The following RPTOR variants were observed in gnomAD, a reference collection of about 807,000 sequenced individuals.
RPTOR encodes the protein regulatory-associated protein of mTOR.
Under a neutral mutation model 169.9 loss-of-function variants are expected in RPTOR, and 21 were observed. That is an observed-to-expected ratio of 0.12 (90% CI 0.09 to 0.18). The LOEUF (loss-of-function observed/expected upper bound fraction) is 0.18. Among genes scored for constraint, RPTOR ranks in the 10% least tolerant of loss-of-function variants. The pLI, the probability that RPTOR is intolerant of heterozygous loss-of-function variation, is 1.00. For missense variants in RPTOR, 1,133 were observed against 1,855.9 expected, an observed-to-expected ratio of 0.61 and a Z score of 7.16; for synonymous variants, 732 against 753.2, an observed-to-expected ratio of 0.97 and a Z score of 0.46.
At chr17:80,814,680 A>C (rs117597434) in intron 7 of RPTOR, among the ~76,000 whole-genome samples, 1 of 152,144 alleles carries the variant, frequency 6.6e-6, no homozygotes, top group African/African-American at 2.4e-5. Flanking sequence ...CATGCCATCA[A>C]ATATGTACAC....
rs2068142315 is a variant in RPTOR at position 80,878,055 on chromosome 17, A to G, written c.1510-2360A>G. 6.6e-6 allele frequency among the ~76,000 whole-genome samples: 1 copy of G among 152,202 alleles called. No homozygotes were observed. The highest frequency in any genetic ancestry group is 1.9e-4 in the East Asian group (1 of 5,186). On this transcript the variant is annotated intron_variant, in intron 13 of 33. Coordinates refer to ENST00000306801, the MANE Select transcript of RPTOR (RefSeq NM_020761.3). This position sits in a 1 kb window ranked among gnomAD's most constrained non-coding sequence, Gnocchi z 4.1. ...GAAAGGGCCAGCTGTGCAGGGCTGC[A>G]CTGGAGAGCCGTTCTCTTCTTGATC...
chr17:80,863,294 T>TC (rs1197110485), intron 13 of RPTOR, among the ~76,000 whole-genome samples: 1 of 151,586 alleles, frequency 6.6e-6, no homozygotes, highest in Non-Finnish European at 1.5e-5. Context: ...CCAGAGGGCC[T>TC]CCCCCAGCAT....
intron 25 of RPTOR, among the ~76,000 whole-genome samples, chr17:80,943,118 A>G (rs2069054291): frequency 6.6e-6 from 1 of 152,172 alleles, no homozygotes. Flanking sequence ...CCGAGCACAC[A>G]CCAGGCATCA....
At chr17:80,634,694 C>CGTACT (rs2065487028) in intron 2 of RPTOR, among the ~76,000 whole-genome samples, 1 of 22,242 alleles carries the variant, frequency 4.5e-5, no homozygotes, top group South Asian at 1.5e-3. Context: ...GTACTGTGTG[C>CGTACT]GTGTGCGTAC....
At chr17:80,866,837 C>G (rs538663241) in intron 13 of RPTOR, among the ~76,000 whole-genome samples, 1 of 152,240 alleles carries the variant, frequency 6.6e-6, no homozygotes, top group Admixed American at 6.5e-5. Context: ...ACCTTGGCCT[C>G]CCAAAGTGCT....
chr17:80,624,330 C>T (rs1340531774), intron 1 of RPTOR, among the ~76,000 whole-genome samples: 2 of 152,010 alleles, frequency 1.3e-5, no homozygotes, highest in African/African-American at 2.4e-5. Context: ...TACTTCTTAA[C>T]GTTAAGTTAA....
Position 80,651,825 on chromosome 17 carries a change from G to T in RPTOR, c.348+8015G>T, listed in dbSNP as rs2065641895. Among the ~76,000 whole-genome samples, 1 of 151,986 alleles carries T rather than the reference G, an allele frequency of 6.6e-6. No individual in the cohort carries two copies. The highest frequency in any genetic ancestry group is 2.1e-4 in the South Asian group (1 of 4,820). On this transcript the variant is annotated intron_variant, in intron 3 of 33. Transcript: ENST00000306801. This position sits in a 1 kb window ranked among gnomAD's most constrained non-coding sequence, Gnocchi z 4.1. ...GAGGTCAGGAGATCGAGACCATGGT[G>T]AAACCCTGTCTCTACTAAAAATACA... is the stretch of plus-strand genomic sequence containing the variant.
At chr17:80,667,911 T>G (rs1406730654) in intron 3 of RPTOR, among the ~76,000 whole-genome samples, 1 of 152,202 alleles carries the variant, frequency 6.6e-6, no homozygotes, top group Non-Finnish European at 1.5e-5. Flanking sequence ...TGAAATCATT[T>G]TAGTGGGAAA....
intron 9 of RPTOR, among the ~76,000 whole-genome samples, chr17:80,824,920 G>A (rs1042790721): frequency 1.3e-5 from 2 of 152,250 alleles, no homozygotes; most frequent in South Asian, 4.1e-4. Context: ...GACAGGTGCA[G>A]GGAGGGGCAT....
intron 3 of RPTOR, among the ~76,000 whole-genome samples, chr17:80,656,888 G>A (rs1222594807): frequency 6.6e-6 from 1 of 152,198 alleles, no homozygotes; most frequent in Non-Finnish European, 1.5e-5. Flanking sequence ...TGAGTGGCAG[G>A]GAGCCGCGGG....
At chr17:80,897,742 G>A (rs1221535915) in intron 20 of RPTOR, among the ~76,000 whole-genome samples, 1 of 152,110 alleles carries the variant, frequency 6.6e-6, no homozygotes, top group Non-Finnish European at 1.5e-5. Flanking sequence ...AGTAAAACTG[G>A]CTCCTCCGGG....
At chr17:80,709,165 G>A (rs2066165311) in intron 4 of RPTOR, 2 of 788,054 alleles carry the variant, frequency 2.5e-6, no homozygotes, top group Non-Finnish European at 3.1e-6. Context: ...ATCTCTCCCC[G>A]TGTGTATCTG....
intron 10 of RPTOR, among the ~76,000 whole-genome samples, chr17:80,840,373 A>G (rs572381195): frequency 0.037 from 4,133 of 113,070 alleles, 58 homozygotes; most frequent in Middle Eastern, 0.056. Context: ...CACTCTCACC[A>G]CACGGCAGCT....
chr17:80,965,872 A>G lies in RPTOR; in HGVS notation c.*1542A>G, dbSNP rs2144114694. The stretch of plus-strand genomic sequence containing the variant: ...CCCACCAGAAGAAGGTTCCGGCACG[A>G]ATCCCATCCCCACGTCTGGGCCGAG... On this transcript the variant is annotated 3_prime_UTR_variant, in exon 34 of 34. Coordinates refer to ENST00000306801, the MANE Select transcript of RPTOR (RefSeq NM_020761.3). The G allele has an allele frequency of 4.3e-6, 1 of 233,388 alleles. No homozygotes were observed. The highest frequency in any genetic ancestry group is 6.0e-5 in the East Asian group (1 of 16,574). 14.5% of individuals were successfully genotyped at this position (233,388 alleles called of 1,614,324 possible). A position where few individuals can be genotyped will look rare whatever the true frequency, so the allele number is the denominator to read the frequency against.
chr17:80,587,965 A>ACT (rs2065075628), intron 1 of RPTOR, among the ~76,000 whole-genome samples: 1 of 151,180 alleles, frequency 6.6e-6, no homozygotes, highest in African/African-American at 2.4e-5. Context: ...CCACCATTCT[A>ACT]CTCTGCTTCT....
At chr17:80,665,321 C>T (rs1200564079) in intron 3 of RPTOR, among the ~76,000 whole-genome samples, 1 of 124,222 alleles carries the variant, frequency 8.1e-6, no homozygotes, top group African/African-American at 3.4e-5. Flanking sequence ...AAATTTTTTT[C>T]TTTTCTTTTC....
chr17:80,569,569 G>A (rs758243076), intron 1 of RPTOR, among the ~76,000 whole-genome samples: 3 of 152,080 alleles, frequency 2.0e-5, no homozygotes, highest in Non-Finnish European at 4.4e-5. Context: ...ATAAAAGCAG[G>A]TCTAGGTCAG....
chr17:80,838,787 C>G (rs2067594552), intron 10 of RPTOR, among the ~76,000 whole-genome samples: 1 of 152,208 alleles, frequency 6.6e-6, no homozygotes, highest in Non-Finnish European at 1.5e-5. Context: ...ACCACCGTGT[C>G]AGGCTCCAGA....
At chr17:80,873,396 C>T (rs562930092) in intron 13 of RPTOR, among the ~76,000 whole-genome samples, 3 of 152,206 alleles carry the variant, frequency 2.0e-5, no homozygotes, top group African/African-American at 4.8e-5. Flanking sequence ...ATTTACTGAG[C>T]GCCTAATAGG....
Sources: gnomAD v4.1 joint callset for allele counts (sites outside exome capture counted in the v4.1 genomes callset) on GRCh38, gnomAD v4.1.1 for gene constraint, Gnocchi (gnomAD v3.1) non-coding constraint, MANE v1.5 for transcripts, NCBI Gene and HGNC (gene_info 2026-07-23, HGNC 2026-07-21) for gene names.